PPP2R3A: variants seen among roughly 807,000 people sequenced by gnomAD.
The protein encoded by PPP2R3A is serine/threonine-protein phosphatase 2A regulatory subunit B'' subunit alpha.
In PPP2R3A, 80 loss-of-function variants were observed where a neutral mutation model predicts 106.9. The observed-to-expected ratio is 0.75, with a 90% CI of 0.62 to 0.90. PPP2R3A has a LOEUF of 0.90. Ranked by LOEUF, PPP2R3A falls within the 40% of genes least tolerant of loss-of-function variation. The probability of loss-of-function intolerance (pLI) is 0.00; values close to 1 mark genes in which losing one functional copy is unlikely to be tolerated. For missense variants in PPP2R3A, 1,386 were observed against 1,350.4 expected, an observed-to-expected ratio of 1.03 and a Z score of -0.41; for synonymous variants, 483 against 468.3, an observed-to-expected ratio of 1.03 and a Z score of -0.41.
At chr3:136,049,075 C>T (rs556451401) in intron 4 of PPP2R3A, among the ~76,000 whole-genome samples, 184 bp from the exon 5 acceptor site, 3 of 152,174 alleles carry the variant, frequency 2.0e-5, no homozygotes, top group Admixed American at 2.0e-4. Context: ...GTCTAATAGA[C>T]TTCAGTACTC....
intron 7 of PPP2R3A, among the ~76,000 whole-genome samples, chr3:136,081,363 A>T (rs1046399447): frequency 4.6e-5 from 7 of 152,066 alleles, no homozygotes; most frequent in Non-Finnish European, 8.8e-5. Flanking sequence ...TTAACCGTGT[A>T]TGTTTGTCCA....
chr3:136,080,155 G>GT (rs1476314175), intron 7 of PPP2R3A, among the ~76,000 whole-genome samples: 1 of 151,980 alleles, frequency 6.6e-6, no homozygotes, highest in Non-Finnish European at 1.5e-5. Context: ...TCTTAACTTG[G>GT]TTTTTTCACT....
At chr3:136,136,277 A>G (rs1040653109) in intron 13 of PPP2R3A, among the ~76,000 whole-genome samples, 4 of 151,940 alleles carry the variant, frequency 2.6e-5, no homozygotes, top group African/African-American at 9.7e-5. Context: ...ATATAATATA[A>G]GGCCCTTAGG....
intron 4 of PPP2R3A, among the ~76,000 whole-genome samples, chr3:136,042,616 C>CA (rs1268842475): frequency 6.6e-6 from 1 of 152,100 alleles, no homozygotes; most frequent in African/African-American, 2.4e-5. Flanking sequence ...GACATTTCTG[C>CA]AAAACGCAAA....
intron 4 of PPP2R3A, 51 bp from the exon 5 acceptor site, chr3:136,049,208 C>A: frequency 7.5e-7 from 1 of 1,332,312 alleles, no homozygotes; most frequent in South Asian, 1.2e-5. Context: ...ATGTTATTGT[C>A]ATTGTTTGTT....
At chr3:136,056,200 G>T (rs1935854845) in intron 5 of PPP2R3A, among the ~76,000 whole-genome samples, 1 of 152,138 alleles carries the variant, frequency 6.6e-6, no homozygotes, top group Admixed American at 6.5e-5. Flanking sequence ...AGTAAGGAAA[G>T]TCTAAGAAAC....
chr3:136,121,203 T>G (rs893052786), intron 13 of PPP2R3A, among the ~76,000 whole-genome samples: 3 of 152,038 alleles, frequency 2.0e-5, no homozygotes, highest in Non-Finnish European at 4.4e-5. Flanking sequence ...GTGGACTGAA[T>G]AAAGAAAACA....
chr3:136,120,960 G>A (rs1161588950), intron 13 of PPP2R3A, among the ~76,000 whole-genome samples: 1 of 152,094 alleles, frequency 6.6e-6, no homozygotes, highest in East Asian at 1.9e-4. Context: ...CAGAGAAAAG[G>A]GAATGCACAT....
intron 10 of PPP2R3A, among the ~76,000 whole-genome samples, chr3:136,096,022 C>T (rs943838570): frequency 1.3e-5 from 2 of 152,210 alleles, no homozygotes; most frequent in East Asian, 3.9e-4. Context: ...ACATCTTAGC[C>T]TACATTTGGG....
rs570429893 is a variant in PPP2R3A at position 136,115,725 on chromosome 3, T to C, written c.3329+9403T>C. Among the ~76,000 whole-genome samples, 199 of 151,826 alleles carry C rather than the reference T, an allele frequency of 1.3e-3. 1 individual carries two copies. Among genetic ancestry groups the C allele is most frequent in the African/African-American group, 4.7e-3 (194 of 41,400 alleles). ...AGAATGAAAAGGAACGAACAAAGTC[T>C]CCAAGAAATATGGGACTATGTGAAA... is the stretch of plus-strand genomic sequence containing the variant. On this transcript the variant is annotated intron_variant, in intron 13 of 13. Coordinates refer to ENST00000264977, the MANE Select transcript of PPP2R3A (RefSeq NM_002718.5).
At chr3:136,125,572 C>CGTGGT (rs1223082834) in intron 13 of PPP2R3A, among the ~76,000 whole-genome samples, 1 of 151,998 alleles carries the variant, frequency 6.6e-6, no homozygotes, top group Non-Finnish European at 1.5e-5. Flanking sequence ...TCCAGCCACC[C>CGTGGT]GTGGTGGCTC....
intron 1 of PPP2R3A, among the ~76,000 whole-genome samples, chr3:135,991,666 A>C (rs892329877): frequency 6.6e-6 from 1 of 152,144 alleles, no homozygotes; most frequent in Non-Finnish European, 1.5e-5. Flanking sequence ...TGCTTTTCTC[A>C]TGTTCCCTAG....
intron 3 of PPP2R3A, among the ~76,000 whole-genome samples, chr3:136,028,279 G>T (rs1021737701): frequency 1.3e-5 from 2 of 152,154 alleles, no homozygotes; most frequent in Non-Finnish European, 2.9e-5. Context: ...CAGAGCATTT[G>T]TCATTGCTGT....
At chr3:136,100,172 T>G (rs576763275) in intron 10 of PPP2R3A, among the ~76,000 whole-genome samples, 10 of 152,202 alleles carry the variant, frequency 6.6e-5, no homozygotes, top group African/African-American at 2.4e-4. Context: ...AGCTTTAGAC[T>G]TCTCATCAAT....
chr3:136,141,133 T>TA (rs1938857193), intron 13 of PPP2R3A, among the ~76,000 whole-genome samples: 1 of 152,254 alleles, frequency 6.6e-6, no homozygotes, highest in Non-Finnish European at 1.5e-5. Context: ...GGAACAGATT[T>TA]AATTATGTAA....
chr3:136,024,036 G>T (rs548140445), intron 2 of PPP2R3A, among the ~76,000 whole-genome samples: 141 of 152,200 alleles, frequency 9.3e-4, no homozygotes, highest in African/African-American at 3.1e-3. Flanking sequence ...GGTCAAAAAT[G>T]ATCAAATATT....
intron 3 of PPP2R3A, among the ~76,000 whole-genome samples, chr3:136,029,993 C>T (rs1006059113): frequency 2.0e-5 from 3 of 152,200 alleles, no homozygotes; most frequent in African/African-American, 7.2e-5. Flanking sequence ...AGGAGAATCG[C>T]TTGAGCCTGG....
chr3:136,120,007 T>C (rs902660505), intron 13 of PPP2R3A, among the ~76,000 whole-genome samples: 11 of 151,918 alleles, frequency 7.2e-5, no homozygotes, highest in African/African-American at 9.7e-5. Flanking sequence ...ATATATGCCA[T>C]GGAATACTAT....
intron 13 of PPP2R3A, among the ~76,000 whole-genome samples, chr3:136,107,071 A>G (rs1156920928): frequency 1.3e-5 from 2 of 152,060 alleles, no homozygotes; most frequent in African/African-American, 2.4e-5. Context: ...GCATAATTCC[A>G]TAAAGGGACC....
Sources: gnomAD v4.1 joint callset for allele counts (sites outside exome capture counted in the v4.1 genomes callset) on GRCh38, gnomAD v4.1.1 for gene constraint, MANE v1.5 for transcripts, NCBI Gene and HGNC (gene_info 2026-07-23, HGNC 2026-07-21) for gene names.